The following GRK5 variants were observed in gnomAD, a reference collection of about 807,000 sequenced individuals.
GRK5 encodes G protein-coupled receptor kinase 5.
GRK5 carries 40 observed loss-of-function variants against 78.4 expected under a neutral mutation model. The observed-to-expected ratio is 0.51, with a 90% CI of 0.40 to 0.66. The LOEUF is 0.66. GRK5 is among the 30% of genes least tolerant of loss of function. The probability of loss-of-function intolerance (pLI) is 0.00; values close to 1 mark genes in which losing one functional copy is unlikely to be tolerated. For missense variants in GRK5, 598 were observed against 759.9 expected (o/e 0.79, Z 2.50); for synonymous variants, 289 against 296.8 (o/e 0.97, Z 0.27).
Position 119,452,578 on chromosome 10 carries a change from C to A in GRK5, c.1405-93C>A, listed in dbSNP as rs1050544619. 5 of 1,463,788 alleles carry A rather than the reference C, an allele frequency of 3.4e-6. No individual in the cohort carries two copies. In the African/African-American group the frequency reaches 4.2e-5, roughly 12 times the overall value. 90.7% of individuals were successfully genotyped at this position (1,463,788 alleles called of 1,614,324 possible). On this transcript the variant is annotated intron_variant, in intron 13 of 15. Coordinates refer to ENST00000392870, the MANE Select transcript of GRK5 (RefSeq NM_005308.3). This position sits in a 1 kb window ranked among gnomAD's most constrained non-coding sequence, Gnocchi z 4.4. ...GTTCTGGGGGTGTGTCCTGGGAAGA[C>A]TCCCTTCTGCTCCCCAAAACCCCAA...
chr10:119,224,438 T>C (rs1848703634), intron 1 of GRK5, among the ~76,000 whole-genome samples: 1 of 151,984 alleles, frequency 6.6e-6, no homozygotes, highest in Admixed American at 6.6e-5. Context: ...AGACGGAGTG[T>C]TGCTCTGTCG....
intron 1 of GRK5, among the ~76,000 whole-genome samples, chr10:119,258,397 C>T (rs931745270): frequency 6.6e-6 from 1 of 152,186 alleles, no homozygotes; most frequent in African/African-American, 2.4e-5. Context: ...CATTCACGAA[C>T]AGTTTTTTCT....
At chr10:119,409,165 C>T (rs1485039859) in intron 4 of GRK5, among the ~76,000 whole-genome samples, 5 of 152,246 alleles carry the variant, frequency 3.3e-5, no homozygotes, top group African/African-American at 4.8e-5. Flanking sequence ...GCGCTGTGTC[C>T]TTAGCATCTT....
At chr10:119,262,346 T>G (rs1457558520) in intron 1 of GRK5, among the ~76,000 whole-genome samples, 1 of 136,514 alleles carries the variant, frequency 7.3e-6, no homozygotes, top group African/African-American at 2.9e-5. Context: ...TTTTTTTTTT[T>G]TTTTTTTTTT....
At chr10:119,213,979 TTTTTG>T (rs1042367593) in intron 1 of GRK5, among the ~76,000 whole-genome samples, 1 of 152,136 alleles carries the variant, frequency 6.6e-6, no homozygotes, top group African/African-American at 2.4e-5. Flanking sequence ...TTTTGTTTGT[TTTTTG>T]TTTTGTTTTG....
chr10:119,279,294 A>G (rs1849720634), intron 1 of GRK5, among the ~76,000 whole-genome samples: 2 of 152,166 alleles, frequency 1.3e-5, no homozygotes, highest in South Asian at 4.1e-4. Flanking sequence ...TTCTCCAAAT[A>G]CAGTCATGTT....
intron 1 of GRK5, among the ~76,000 whole-genome samples, chr10:119,283,356 A>G (rs993155234): frequency 1.3e-5 from 2 of 152,162 alleles, no homozygotes; most frequent in Non-Finnish European, 2.9e-5. Context: ...TTTGACTTTG[A>G]GGCTTCTGTG....
chr10:119,351,784 C>G (rs1037583402), intron 2 of GRK5, among the ~76,000 whole-genome samples: 1 of 152,080 alleles, frequency 6.6e-6, no homozygotes. Flanking sequence ...CCTTGGGAAC[C>G]CTGGATAATG....
At chr10:119,403,126 T>A (rs1187969340) in intron 4 of GRK5, among the ~76,000 whole-genome samples, 1 of 152,176 alleles carries the variant, frequency 6.6e-6, no homozygotes, top group Non-Finnish European at 1.5e-5. Flanking sequence ...TTCAGACATT[T>A]CATATAAATG....
In GRK5 at chr10:119,443,697, C is replaced by T. The variant is rs756537427; in HGVS notation, c.1211C>T (p.Thr404Met). 31 of 1,612,958 alleles carry T rather than the reference C, an allele frequency of 1.9e-5. No homozygotes were observed. Among genetic ancestry groups the T allele is most frequent in the Middle Eastern group, 1.6e-4 (1 of 6,074 alleles). Residue 404 changes from threonine to methionine, a missense_variant, in exon 12 of 16, where the codon ACG becomes ATG. Physicochemically the swap from Thr to Met is moderately conservative, Grantham distance 81 (BLOSUM62 -1). Coordinates refer to ENST00000392870, the MANE Select transcript of GRK5 (RefSeq NM_005308.3). ...REEVDRRVLE[T>M]EEVYSHKFSE... ...GAGGTGGACCGCCGGGTCCTGGAGACGGAGGAGGTGTACTCCCACAAGTTC... is the reference window on the plus strand; with the variant it reads ...GAGGTGGACCGCCGGGTCCTGGAGATGGAGGAGGTGTACTCCCACAAGTTC...
intron 1 of GRK5, among the ~76,000 whole-genome samples, chr10:119,261,067 G>A (rs1849381581): frequency 4.3e-5 from 1 of 23,508 alleles, no homozygotes; most frequent in African/African-American, 8.2e-5. Flanking sequence ...GGACGGGGCG[G>A]CTGGCCGGGC....
intron 2 of GRK5, among the ~76,000 whole-genome samples, chr10:119,351,696 T>G (rs1488917066): frequency 3.9e-5 from 6 of 152,214 alleles, no homozygotes; most frequent in South Asian, 4.1e-4. Flanking sequence ...CATGAATGAC[T>G]GGTATCTGGA....
intron 2 of GRK5, among the ~76,000 whole-genome samples, chr10:119,375,724 G>A (rs938089377): frequency 2.6e-5 from 4 of 152,216 alleles, no homozygotes; most frequent in South Asian, 4.1e-4. Flanking sequence ...TGGCAATCCC[G>A]CCTTCCCAGG....
chr10:119,395,098 G>C (rs1852022609), intron 3 of GRK5, among the ~76,000 whole-genome samples: 1 of 152,006 alleles, frequency 6.6e-6, no homozygotes, highest in South Asian at 2.1e-4. Context: ...CAGCAGCTGT[G>C]ACCTTGGACC....
chr10:119,455,097 G>A lies in GRK5; in HGVS notation c.*30G>A. 2.0e-6 allele frequency: 3 copies of A among 1,508,284 alleles called. No individual in the cohort carries two copies. Among genetic ancestry groups the A allele is most frequent in the Non-Finnish European group, 2.8e-6 (3 of 1,083,818 alleles). The allele number at this position is 1,508,284 out of a possible 1,614,324, so 93.4% of individuals were successfully genotyped here. A position where few individuals can be genotyped will look rare whatever the true frequency, so the allele number is the denominator to read the frequency against. ...GGCTCTGGCCTCCAAGTCCACAGTGGAACCAGCCCAGACCCTTCTCCTTAG... is the reference window on the plus strand; with the variant it reads ...GGCTCTGGCCTCCAAGTCCACAGTGAAACCAGCCCAGACCCTTCTCCTTAG... On this transcript the variant is annotated 3_prime_UTR_variant, in exon 16 of 16. Transcript: ENST00000392870.
Position 119,452,893 on chromosome 10 carries a change from C to A in GRK5, c.1542+85C>A. Reference sequence around the variant, plus strand: ...GGAGGCGTCGGGAATATGAGTTTGGCGGCAGGAGGCTGAGCGCATGGTTTC... The same window carrying A: ...GGAGGCGTCGGGAATATGAGTTTGGAGGCAGGAGGCTGAGCGCATGGTTTC... On this transcript the variant is annotated intron_variant, in intron 14 of 15. Coordinates refer to ENST00000392870, the MANE Select transcript of GRK5 (RefSeq NM_005308.3). The surrounding 1 kb of genome is among the most constrained non-coding windows in gnomAD (Gnocchi z 4.4). The A allele has an allele frequency of 6.9e-7, 1 of 1,441,524 alleles. No individual in the cohort carries two copies. Among genetic ancestry groups the A allele is most frequent in the Admixed American group, 1.8e-5 (1 of 54,710 alleles). The allele number at this position is 1,441,524 out of a possible 1,614,324, so 89.3% of individuals were successfully genotyped here.
intron 2 of GRK5, chr10:119,334,545 T>A (rs918047091): frequency 1.3e-5 from 2 of 152,212 alleles, no homozygotes; most frequent in African/African-American, 4.8e-5. Context: ...TTTCTTAGGA[T>A]GTCCGAAACT....
At chr10:119,424,176 T>C (rs1460426890) in intron 5 of GRK5, among the ~76,000 whole-genome samples, 1 of 151,966 alleles carries the variant, frequency 6.6e-6, no homozygotes, top group Non-Finnish European at 1.5e-5. Flanking sequence ...GTGGGTGGGG[T>C]CTTGGTTGGT....
chr10:119,409,165 C>A (rs1485039859), intron 4 of GRK5, among the ~76,000 whole-genome samples: 1 of 152,246 alleles, frequency 6.6e-6, no homozygotes, highest in Non-Finnish European at 1.5e-5. Context: ...GCGCTGTGTC[C>A]TTAGCATCTT....
Sources: gnomAD v4.1 joint callset for allele counts (sites outside exome capture counted in the v4.1 genomes callset) on GRCh38, gnomAD v4.1.1 for gene constraint, Gnocchi (gnomAD v3.1) non-coding constraint, MANE v1.5 for transcripts, NCBI Gene and HGNC (gene_info 2026-07-23, HGNC 2026-07-21) for gene names.